CCSER1: variants seen among roughly 807,000 people sequenced by gnomAD.
CCSER1 encodes serine-rich coiled-coil domain-containing protein 1.
CCSER1 carries 41 observed loss-of-function variants against 82.0 expected under a neutral mutation model. The ratio of observed to expected loss-of-function variants is 0.50; its 90% confidence interval spans 0.39 to 0.65. The LOEUF (loss-of-function observed/expected upper bound fraction) is 0.65. Ranked by LOEUF, CCSER1 falls within the 30% of genes least tolerant of loss-of-function variation. The pLI is 0.00. For synonymous variants in CCSER1, 414 were observed against 383.9 expected (o/e 1.08, Z -0.92); for missense variants, 1,119 against 1,064.2 (o/e 1.05, Z -0.72).
At chr4:91,474,106 T>C (rs1757428846) in intron 10 of CCSER1, among the ~76,000 whole-genome samples, 1 of 152,046 alleles carries the variant, frequency 6.6e-6, no homozygotes, top group South Asian at 2.1e-4. Flanking sequence ...CTAATTTCCT[T>C]GACTAGCCTC....
intron 10 of CCSER1, among the ~76,000 whole-genome samples, chr4:91,405,577 G>A (rs2149365163): frequency 6.6e-6 from 1 of 152,298 alleles, no homozygotes; most frequent in South Asian, 2.1e-4. Flanking sequence ...CTCAGCAATG[G>A]CTGGCGCCCC....
intron 9 of CCSER1, among the ~76,000 whole-genome samples, chr4:91,036,901 A>C (rs892382540): frequency 6.6e-6 from 1 of 152,000 alleles, no homozygotes; most frequent in Non-Finnish European, 1.5e-5. Flanking sequence ...CAACATGGTG[A>C]AACCCGTGTC....
At chr4:91,373,953 AACATT>A (rs1349412834) in intron 10 of CCSER1, among the ~76,000 whole-genome samples, 1 of 152,226 alleles carries the variant, frequency 6.6e-6, no homozygotes, top group Admixed American at 6.6e-5. Context: ...AATTAGCCAC[AACATT>A]CTGTTAAGTG....
intron 1 of CCSER1, among the ~76,000 whole-genome samples, chr4:90,299,670 T>C (rs1732715306): frequency 6.6e-6 from 1 of 152,056 alleles, no homozygotes; most frequent in Non-Finnish European, 1.5e-5. Context: ...TTCCCATTTA[T>C]TTAAGGGGAA....
chr4:91,353,202 C>A (rs1229690631), intron 10 of CCSER1, among the ~76,000 whole-genome samples: 1 of 152,168 alleles, frequency 6.6e-6, no homozygotes, highest in Admixed American at 6.5e-5. Flanking sequence ...CGTCGGCAAG[C>A]TACTGCCTTA....
At position 90,196,656 on chromosome 4, in the gene CCSER1, TACAC is replaced by T. The variant is rs34346681; in HGVS notation, c.-42+68855_-42+68858del. On this transcript the variant is annotated intron_variant, in intron 1 of 10. Transcript: ENST00000509176. ...TTTCCTAATAATTTTCCTGCTCAGA[TACAC>T]ACACACACACACACACACACACACA... 4.2e-3 allele frequency among the ~76,000 whole-genome samples: 601 copies of T among 143,550 alleles called. 3 individuals carry two copies. The highest frequency in any genetic ancestry group is 6.1e-3 in the African/African-American group (229 of 37,838). The allele number at this position is 143,550 out of a possible 152,430, so 94.2% of individuals were successfully genotyped here.
chr4:90,533,213 T>C (rs1421114959), intron 5 of CCSER1, among the ~76,000 whole-genome samples: 1 of 144,532 alleles, frequency 6.9e-6, no homozygotes, highest in Non-Finnish European at 1.5e-5. Flanking sequence ...TGCCTCACCC[T>C]CCCTAGTAGC....
intron 1 of CCSER1, among the ~76,000 whole-genome samples, chr4:90,222,596 T>C (rs1228945618): frequency 1.3e-5 from 2 of 152,132 alleles, no homozygotes; most frequent in Non-Finnish European, 2.9e-5. Flanking sequence ...TAGTGGAATT[T>C]TTCTGTTATC....
At chr4:90,295,998 T>A (rs982005387) in intron 1 of CCSER1, among the ~76,000 whole-genome samples, 2 of 152,010 alleles carry the variant, frequency 1.3e-5, no homozygotes, top group Admixed American at 6.6e-5. Context: ...ATGGAAGATA[T>A]AATTATAAAA....
At chr4:91,078,736 A>G (rs886442980) in intron 9 of CCSER1, among the ~76,000 whole-genome samples, 21 of 152,238 alleles carry the variant, frequency 1.4e-4, no homozygotes, top group Admixed American at 1.2e-3. Context: ...AAGTCCTTAA[A>G]TGACCTGATG....
At chr4:90,687,695 T>C (rs1735064994) in intron 6 of CCSER1, among the ~76,000 whole-genome samples, 1 of 152,050 alleles carries the variant, frequency 6.6e-6, no homozygotes, top group Non-Finnish European at 1.5e-5. Context: ...CCTCCTTCCT[T>C]CCACCCACAA....
At chr4:90,369,764 A>C (rs1476959254) in intron 3 of CCSER1, among the ~76,000 whole-genome samples, 1 of 151,974 alleles carries the variant, frequency 6.6e-6, no homozygotes, top group Non-Finnish European at 1.5e-5. Flanking sequence ...CTACCCCTCC[A>C]GTTCTAACTT....
intron 5 of CCSER1, among the ~76,000 whole-genome samples, chr4:90,525,423 TG>T (rs1346662501): frequency 2.0e-5 from 3 of 152,164 alleles, no homozygotes; most frequent in Admixed American, 6.5e-5. Flanking sequence ...TGAGAAGAAT[TG>T]ATTTTAACAA....
intron 10 of CCSER1, among the ~76,000 whole-genome samples, chr4:91,526,179 G>C (rs896823639): frequency 6.6e-6 from 1 of 152,038 alleles, no homozygotes; most frequent in African/African-American, 2.4e-5. Context: ...TCTGAAGCCT[G>C]CTAGCTAAAA....
chr4:90,893,793 G>GTGGA (rs34046131), intron 8 of CCSER1, among the ~76,000 whole-genome samples: 1 of 68,662 alleles, frequency 1.5e-5, no homozygotes, highest in Non-Finnish European at 4.9e-5. Context: ...GTGTGTGTGT[G>GTGGA]GGGGGTGAAT....
intron 4 of CCSER1, among the ~76,000 whole-genome samples, chr4:90,405,788 G>A (rs568783724): frequency 6.6e-6 from 1 of 152,212 alleles, no homozygotes; most frequent in East Asian, 1.9e-4. Context: ...GAAAGATAAA[G>A]TCTTTTCCAG....
At chr4:90,555,259 T>A (rs999540208) in intron 5 of CCSER1, among the ~76,000 whole-genome samples, 3 of 152,108 alleles carry the variant, frequency 2.0e-5, no homozygotes, top group Admixed American at 6.5e-5. Flanking sequence ...TGGCAAAAAA[T>A]TTTTCCTGAG....
chr4:91,524,750 A>G (rs72884612), intron 10 of CCSER1, among the ~76,000 whole-genome samples: 2,425 of 152,252 alleles, frequency 0.016, 65 homozygotes, highest in African/African-American at 0.056. Flanking sequence ...CAAGTATCCC[A>G]CTTGTATTCC....
At chr4:90,633,857 T>G (rs1179553703) in intron 6 of CCSER1, among the ~76,000 whole-genome samples, 1 of 151,846 alleles carries the variant, frequency 6.6e-6, no homozygotes, top group Non-Finnish European at 1.5e-5. Flanking sequence ...TTTTTAAAGA[T>G]CAGTTTCTTT....
Sources: gnomAD v4.1 joint callset for allele counts (sites outside exome capture counted in the v4.1 genomes callset) on GRCh38, gnomAD v4.1.1 for gene constraint, MANE v1.5 for transcripts, NCBI Gene and HGNC (gene_info 2026-07-23, HGNC 2026-07-21) for gene names.